The following SFI1 variants were observed in gnomAD, a reference collection of about 807,000 sequenced individuals.
SFI1 encodes the protein protein SFI1 homolog.
In SFI1, 195 loss-of-function variants were observed where a neutral mutation model predicts 207.5. That is an observed-to-expected ratio of 0.94 (90% confidence interval 0.84 to 1.06). The LOEUF (loss-of-function observed/expected upper bound fraction) is 1.06. SFI1 is among the 50% of genes least tolerant of loss of function. The pLI is 0.00. For synonymous variants in SFI1, 630 were observed against 598.9 expected (o/e 1.05, Z -0.76); for missense variants, 1,634 against 1,588.0 (o/e 1.03, Z -0.49).
At chr22:31,575,085 CGTGT>C (rs71679890) in intron 9 of SFI1, 142 bp from the exon 10 acceptor site, 64,359 of 278,686 alleles carry the variant, frequency 0.23, 4,656 homozygotes, top group East Asian at 0.31. Context: ...AAACTTAGTG[CGTGT>C]GTGTGTGTGT....
At chr22:31,578,174 T>C (rs2063722440) in intron 10 of SFI1, 6 of 375,948 alleles carry the variant, frequency 1.6e-5, no homozygotes, top group Admixed American at 4.3e-5. Context: ...AGGGGAGGAA[T>C]GCAAGACCAG....
At chr22:31,565,128 T>G (rs1373664725) in intron 8 of SFI1, among the ~76,000 whole-genome samples, 1 of 151,938 alleles carries the variant, frequency 6.6e-6, no homozygotes, top group Non-Finnish European at 1.5e-5. Flanking sequence ...CGGCCCAGAA[T>G]TTTTTAAAGT....
At chr22:31,546,144 C>T (rs565214837) in intron 4 of SFI1, among the ~76,000 whole-genome samples, 2 of 152,058 alleles carry the variant, frequency 1.3e-5, no homozygotes, top group East Asian at 1.9e-4. Context: ...ACCTCAGCCT[C>T]CCAAGGTGCT....
In SFI1 at chr22:31,613,160, G is replaced by C. The variant is rs747232912; in HGVS notation, c.2509G>C (p.Glu837Gln). The C allele has an allele frequency of 3.2e-5, 52 of 1,613,550 alleles. No homozygotes were observed. The highest frequency in any genetic ancestry group is 3.9e-5 in the Non-Finnish European group (46 of 1,180,016). The change falls in exon 25 of 33, where the codon GAG (glutamate) becomes CAG (glutamine). Residue 837 changes from glutamate to glutamine, a missense_variant. Physicochemically the swap from Glu to Gln is conservative, Grantham distance 29 (BLOSUM62 2). Coordinates refer to ENST00000400288, the MANE Select transcript of SFI1 (RefSeq NM_001007467.3). ...WRQQLAARRQ[E>Q]QRATVRALWF... ...GCCCTAGCTGGCAGCCAGGAGGCAG[G>C]AGCAGCGGGCGACAGTGCGGGCCCT... is the stretch of plus-strand genomic sequence containing the variant.
At position 31,613,009 on chromosome 22, in the gene SFI1, G is replaced by A. The variant is rs552372477; in HGVS notation, c.2491-133G>A. 1.3e-4 allele frequency: 111 copies of A among 856,876 alleles called. No homozygotes were observed. In the South Asian group the frequency reaches 1.7e-3, roughly 13 times the overall value. 53.1% of individuals were successfully genotyped at this position (856,876 alleles called of 1,614,324 possible). ...CATCTCACCGCCAGGCACAAGGCTGGCCCTTCCTAGTGGAGGAAGTGGGAG... is the reference window on the plus strand; with the variant it reads ...CATCTCACCGCCAGGCACAAGGCTGACCCTTCCTAGTGGAGGAAGTGGGAG... On this transcript the variant is annotated intron_variant, in intron 24 of 32. Transcript: ENST00000400288.
At chr22:31,593,773 C>A (rs1020689532) in intron 15 of SFI1, among the ~76,000 whole-genome samples, 8 of 150,794 alleles carry the variant, frequency 5.3e-5, no homozygotes, top group Non-Finnish European at 7.4e-5. Context: ...GTTGGTGGAT[C>A]ACTCGCGGTT....
At chr22:31,589,352 A>G (rs1384220897) in intron 14 of SFI1, 95 bp from the exon 15 acceptor site, 1 of 1,105,862 alleles carries the variant, frequency 9.0e-7, no homozygotes, top group African/African-American at 1.6e-5. Context: ...TTTTTATTAT[A>G]TAGGAAGCAA....
chr22:31,614,772 C>T lies in SFI1; in HGVS notation c.2997-17C>T. 1 of 1,613,664 alleles carries T rather than the reference C, an allele frequency of 6.2e-7. No individual in the cohort carries two copies. Among genetic ancestry groups the T allele is most frequent in the Non-Finnish European group, 8.5e-7 (1 of 1,179,942 alleles). On this transcript the variant is annotated splice_polypyrimidine_tract_variant and intron_variant, in intron 27 of 32. Transcript: ENST00000400288. Reference sequence around the variant, plus strand: ...CCCTGGTCAGCCCAGGGGAACAGACCCCATGTTTCTTTCCAGCAACACTGC... The same window carrying T: ...CCCTGGTCAGCCCAGGGGAACAGACTCCATGTTTCTTTCCAGCAACACTGC...
At position 31,612,100 on chromosome 22, in the gene SFI1, C is replaced by T. The variant is rs1377609993; in HGVS notation, c.2490+260C>T. ...TATTAAAAAATACATCAGTGGAGGC[C>T]GGGCGCAGTGGCTCACGCCTGTAAT... On this transcript the variant is annotated intron_variant, in intron 24 of 32. Transcript: ENST00000400288. 12 of 1,148,746 alleles carry T rather than the reference C, an allele frequency of 1.0e-5. No homozygotes were observed. The Admixed American group carries it at 1.8e-4, about 17-fold the overall frequency. 71.2% of individuals were successfully genotyped at this position (1,148,746 alleles called of 1,614,324 possible). A position where few individuals can be genotyped will look rare whatever the true frequency, so the allele number is the denominator to read the frequency against.
rs763585446 is a variant in SFI1, at chr22:31,614,840, G to A, written c.3048G>A (p.Leu1016=). 4 of 1,613,848 alleles carry A rather than the reference G, an allele frequency of 2.5e-6. No individual in the cohort carries two copies. The East Asian group carries it at 8.9e-5, about 36-fold the overall frequency. The change falls in exon 28 of 33, where the codon TTG becomes TTA. Residue 1016 remains leucine, a synonymous_variant. Coordinates refer to ENST00000400288, the MANE Select transcript of SFI1 (RefSeq NM_001007467.3). ...RKQPRRPHFL[L]EPAQSQRPQK... ...AGCCGCGACGCCCACACTTCCTGTT[G>A]GAGCCTGCGCAGAGCCAGAGGTCCC...
intron 1 of SFI1, among the ~76,000 whole-genome samples, chr22:31,507,468 C>A (rs1445732353): frequency 6.6e-6 from 1 of 152,120 alleles, no homozygotes; most frequent in Non-Finnish European, 1.5e-5. Context: ...GATGAAGATG[C>A]CAGAAGCAAT....
intron 27 of SFI1, chr22:31,614,202 C>T (rs536163202): frequency 1.7e-5 from 6 of 358,386 alleles, no homozygotes; most frequent in African/African-American, 1.0e-4. Flanking sequence ...AGCTCCTACC[C>T]GTGCCTGCCG....
chr22:31,541,231 A>T (rs1353899788), intron 4 of SFI1, among the ~76,000 whole-genome samples: 1 of 147,594 alleles, frequency 6.8e-6, no homozygotes, highest in Non-Finnish European at 1.5e-5. Context: ...CTACAAGAAG[A>T]CACTTAGTTC....
chr22:31,534,827 A>T (rs738655), intron 4 of SFI1, among the ~76,000 whole-genome samples: 1 of 150,804 alleles, frequency 6.6e-6, no homozygotes, highest in East Asian at 1.9e-4. Context: ...GTGTTTATAT[A>T]TGTGTTATTC....
In SFI1 at chr22:31,531,062, G is replaced by A. The variant is rs376015266; in HGVS notation, c.271G>A (p.Val91Met). The A allele has an allele frequency of 3.2e-5, 51 of 1,610,752 alleles. No individual in the cohort carries two copies. The highest frequency in any genetic ancestry group is 1.3e-4 in the Admixed American group (8 of 59,298). ...GRLRELRIRCVARKFLYLWIR... is the reference protein window; with the variant it reads ...GRLRELRIRCMARKFLYLWIR... Reference sequence around the variant, plus strand: ...TGCTTTTTTTCCTTCTTTCAGATGCGTGGCCAGAAAGTTCTTATATTTATG... The same window carrying A: ...TGCTTTTTTTCCTTCTTTCAGATGCATGGCCAGAAAGTTCTTATATTTATG... The change falls in exon 4 of 33, where the codon GTG (valine) becomes ATG (methionine). Residue 91 changes from valine (V) to methionine (M), a missense_variant. By Grantham distance (21) the Val-to-Met change is conservative. Coordinates refer to ENST00000400288, the MANE Select transcript of SFI1 (RefSeq NM_001007467.3).
intron 6 of SFI1, among the ~76,000 whole-genome samples, chr22:31,554,707 A>G (rs1221206377): frequency 6.6e-6 from 1 of 150,844 alleles, no homozygotes; most frequent in African/African-American, 2.4e-5. Flanking sequence ...CCTGGGTTCA[A>G]GCAATTATCT....
intron 8 of SFI1, among the ~76,000 whole-genome samples, chr22:31,567,921 A>G (rs2062492821): frequency 6.6e-6 from 1 of 152,186 alleles, no homozygotes; most frequent in South Asian, 2.1e-4. Flanking sequence ...AAAGGACGTA[A>G]TGAACTGCTA....
chr22:31,612,426 T>TATAAAA, intron 24 of SFI1: 1 of 99,940 alleles, frequency 1.0e-5, no homozygotes, highest in Non-Finnish European at 2.0e-5. Context: ...TATATATATA[T>TATAAAA]AATCAGTGGG....
chr22:31,546,376 G>C (rs1039440676), intron 4 of SFI1, among the ~76,000 whole-genome samples: 1 of 151,884 alleles, frequency 6.6e-6, no homozygotes, highest in Non-Finnish European at 1.5e-5. Flanking sequence ...CTGTCATCAG[G>C]CTGGAGTGCA....
Sources: allele counts gnomAD v4.1 joint callset (sites outside exome capture counted in the v4.1 genomes callset), GRCh38; gene constraint gnomAD v4.1.1; transcripts MANE v1.5; gene names NCBI Gene and HGNC (gene_info 2026-07-23, HGNC 2026-07-21).